RIMS2: variants seen among roughly 807,000 people sequenced by gnomAD.
The protein encoded by RIMS2 is regulating synaptic membrane exocytosis protein 2.
RIMS2 carries 59 observed loss-of-function variants against 174.4 expected under a neutral mutation model. The observed-to-expected ratio is 0.34, with a 90% CI of 0.27 to 0.42. The LOEUF (loss-of-function observed/expected upper bound fraction) is 0.42. Among genes scored for constraint, RIMS2 ranks in the 10% least tolerant of loss-of-function variants. The probability of loss-of-function intolerance (pLI) is 1.00; values close to 1 mark genes in which losing one functional copy is unlikely to be tolerated. For missense variants in RIMS2, 1,620 were observed against 1,666.3 expected, an observed-to-expected ratio of 0.97 and a Z score of 0.48; for synonymous variants, 606 against 572.5, an observed-to-expected ratio of 1.06 and a Z score of -0.84.
chr8:103,508,459 A>T (rs928478005), intron 1 of RIMS2, among the ~76,000 whole-genome samples: 1 of 1,704 alleles, frequency 5.9e-4, no homozygotes, highest in African/African-American at 6.2e-4. Flanking sequence ...TCATTTGTTA[A>T]AAAAAAAAAA....
intron 22 of RIMS2, among the ~76,000 whole-genome samples, chr8:104,250,281 T>C (rs369646555): frequency 2.0e-5 from 3 of 152,320 alleles, no homozygotes; most frequent in African/African-American, 7.2e-5. Flanking sequence ...ATTTTGACTC[T>C]CAACTTTTCT....
At chr8:103,851,896 TCAGCCC>T (rs1294514731) in intron 3 of RIMS2, among the ~76,000 whole-genome samples, 1 of 151,902 alleles carries the variant, frequency 6.6e-6, no homozygotes, top group Non-Finnish European at 1.5e-5. Flanking sequence ...ATTGTATGGT[TCAGCCC>T]TGTAAAGAAC....
At chr8:104,013,335 C>G in intron 17 of RIMS2, 107 bp from the exon 20 acceptor site, 1 of 878,360 alleles carries the variant, frequency 1.1e-6, no homozygotes. Flanking sequence ...TTTACATACT[C>G]CATAATTTTA....
intron 2 of RIMS2, among the ~76,000 whole-genome samples, chr8:103,756,836 G>T (rs2098018834): frequency 6.6e-6 from 1 of 152,064 alleles, no homozygotes; most frequent in South Asian, 2.1e-4. Flanking sequence ...ATTTGATCCA[G>T]GAAACTTACT....
intron 19 of RIMS2, among the ~76,000 whole-genome samples, chr8:104,200,372 A>G (rs982055621): frequency 6.6e-6 from 1 of 152,138 alleles, no homozygotes; most frequent in African/African-American, 2.4e-5. Flanking sequence ...TTTCCTTAGA[A>G]ACTTATTTTA....
At chr8:104,010,060 T>C (rs2095709701) in intron 17 of RIMS2, among the ~76,000 whole-genome samples, 1 of 152,032 alleles carries the variant, frequency 6.6e-6, no homozygotes, top group Non-Finnish European at 1.5e-5. Flanking sequence ...AACATTGGGT[T>C]ATAGACAAGA....
exon 10 of RIMS2, chr8:103,921,779 C>T (rs2077712725): frequency 1.6e-6 from 2 of 1,220,836 alleles, no homozygotes; most frequent in Non-Finnish European, 2.4e-6. Context: ...ATCAGGACAA[C>T]TTTCAGTATG....
At chr8:103,504,401 T>C (rs988791185) in intron 1 of RIMS2, among the ~76,000 whole-genome samples, 1 of 152,142 alleles carries the variant, frequency 6.6e-6, no homozygotes, top group Non-Finnish European at 1.5e-5. Flanking sequence ...TGAGGAATCA[T>C]TGTTTGAAAG....
intron 1 of RIMS2, among the ~76,000 whole-genome samples, chr8:103,524,639 C>A (rs1833145179): frequency 6.6e-6 from 1 of 152,140 alleles, no homozygotes; most frequent in African/African-American, 2.4e-5. Flanking sequence ...TACTGCTACC[C>A]TTGAAGCTGC....
chr8:103,933,549 G>A (rs143633491), intron 12 of RIMS2, among the ~76,000 whole-genome samples: 8 of 152,184 alleles, frequency 5.3e-5, no homozygotes, highest in South Asian at 2.1e-4. Flanking sequence ...TTTATATTCC[G>A]GATGTAGTAT....
At chr8:103,992,379 G>T (rs559741891) in intron 17 of RIMS2, among the ~76,000 whole-genome samples, 1 of 150,500 alleles carries the variant, frequency 6.6e-6, no homozygotes, top group South Asian at 2.1e-4. Flanking sequence ...ACCTGCCTGG[G>T]TATCCCAAAG....
chr8:103,835,024 G>C (rs1156801751), intron 3 of RIMS2, among the ~76,000 whole-genome samples: 2 of 151,808 alleles, frequency 1.3e-5, no homozygotes, highest in Non-Finnish European at 2.9e-5. Context: ...GCCCACCTCA[G>C]CTTCCCAAAG....
chr8:103,523,769 T>G (rs1482183150), intron 1 of RIMS2, among the ~76,000 whole-genome samples: 1 of 151,428 alleles, frequency 6.6e-6, no homozygotes, highest in Non-Finnish European at 1.5e-5. Context: ...GACTTGTGAT[T>G]TTTTTTTCAA....
At chr8:103,909,946 A>T (rs192941946) in intron 4 of RIMS2, among the ~76,000 whole-genome samples, 6 of 151,390 alleles carry the variant, frequency 4.0e-5, no homozygotes, top group Non-Finnish European at 1.5e-5. Context: ...TATAAATTTT[A>T]CTTTTTGAAT....
At chr8:103,595,800 C>T (rs1236037619) in intron 1 of RIMS2, among the ~76,000 whole-genome samples, 2 of 151,884 alleles carry the variant, frequency 1.3e-5, no homozygotes, top group African/African-American at 2.4e-5. Flanking sequence ...GGTATTTAGT[C>T]GTAGTATAAT....
intron 3 of RIMS2, among the ~76,000 whole-genome samples, chr8:103,844,995 A>C (rs1232998379): frequency 1.6e-4 from 25 of 152,084 alleles, no homozygotes; most frequent in Non-Finnish European, 3.5e-4. Context: ...TCCAACTTCA[A>C]GATTTTTAAT....
rs117612938 is a variant in RIMS2, at chr8:103,740,345, G to A, written c.388-25882G>A. ...TAAGCCATGATGACTTAACCTAGAT[G>A]CCTGCTGACTTCTTGGCAGTCAGAT... On this transcript the variant is annotated intron_variant, in intron 2 of 23. Coordinates refer to ENST00000504942, the Ensembl canonical transcript of RIMS2. Among the ~76,000 whole-genome samples, 545 of 152,324 alleles carry A rather than the reference G, an allele frequency of 3.6e-3. 18 individuals are homozygous for A. The East Asian group carries it at 0.089, about 25-fold the overall frequency.
intron 19 of RIMS2, among the ~76,000 whole-genome samples, chr8:104,201,117 C>T (rs1305882297): frequency 6.6e-6 from 1 of 151,874 alleles, no homozygotes; most frequent in South Asian, 2.1e-4. Flanking sequence ...TTTTTTAAAC[C>T]CTCTCCCTCC....
At chr8:103,719,311 G>A (rs191763018) in intron 2 of RIMS2, among the ~76,000 whole-genome samples, 63 of 152,218 alleles carry the variant, frequency 4.1e-4, no homozygotes, top group African/African-American at 1.5e-3. Flanking sequence ...TTCTGTCACC[G>A]GTAGTCAATG....
Sources: gnomAD v4.1 joint callset for allele counts (sites outside exome capture counted in the v4.1 genomes callset) on GRCh38, gnomAD v4.1.1 for gene constraint, MANE v1.5 for transcripts, NCBI Gene and HGNC (gene_info 2026-07-23, HGNC 2026-07-21) for gene names.